The following TULP4 variants were observed in gnomAD, a reference collection of about 807,000 sequenced individuals.
TULP4 encodes the protein tubby-related protein 4.
TULP4 carries 16 observed loss-of-function variants against 129.0 expected under a neutral mutation model. The observed-to-expected ratio is 0.12, with a 90% CI of 0.08 to 0.19. TULP4 has a LOEUF of 0.19. Among genes scored for constraint, TULP4 ranks in the 10% least tolerant of loss-of-function variants. The pLI is 1.00. For missense variants in TULP4, 1,842 were observed against 2,059.1 expected (o/e 0.89, Z 2.04); for synonymous variants, 998 against 854.0 (o/e 1.17, Z -2.94).
At chr6:158,403,951 C>T (rs1177229220) in intron 1 of TULP4, among the ~76,000 whole-genome samples, 1 of 152,186 alleles carries the variant, frequency 6.6e-6, no homozygotes, top group Non-Finnish European at 1.5e-5. Flanking sequence ...TTGGACAAAA[C>T]ACCTAACCTC....
At chr6:158,441,770 T>C (rs1778903900) in intron 3 of TULP4, among the ~76,000 whole-genome samples, 1 of 152,050 alleles carries the variant, frequency 6.6e-6, no homozygotes, top group Admixed American at 6.6e-5. Context: ...CCATCTTCCC[T>C]TCCCACACAC....
intron 1 of TULP4, among the ~76,000 whole-genome samples, chr6:158,403,131 A>G (rs1320239585): frequency 1.3e-5 from 2 of 152,158 alleles, no homozygotes; most frequent in African/African-American, 2.4e-5. Context: ...AAATCTTCCC[A>G]GTGGTTTGCT....
intron 3 of TULP4, among the ~76,000 whole-genome samples, chr6:158,435,926 CTT>C (rs11303299): frequency 2.3e-4 from 34 of 146,952 alleles, no homozygotes; most frequent in Non-Finnish European, 1.7e-4. Context: ...AACTGGGACT[CTT>C]TTTTTTTTTT....
chr6:158,379,277 C>G (rs1486962802), intron 1 of TULP4, among the ~76,000 whole-genome samples: 2 of 152,128 alleles, frequency 1.3e-5, no homozygotes, highest in African/African-American at 4.8e-5. Context: ...GAACCTGTGG[C>G]CAGAGTTGCC....
intron 1 of TULP4, among the ~76,000 whole-genome samples, chr6:158,290,584 A>C (rs1167717074): frequency 6.6e-6 from 1 of 150,892 alleles, no homozygotes; most frequent in Non-Finnish European, 1.5e-5. Context: ...CCCTGCTCCC[A>C]CCTCCCTTCT....
chr6:158,444,067 A>T (rs1778969468), intron 3 of TULP4, among the ~76,000 whole-genome samples: 1 of 151,714 alleles, frequency 6.6e-6, no homozygotes, highest in Non-Finnish European at 1.5e-5. Flanking sequence ...AAAAATACAA[A>T]AAATTAGCCT....
chr6:158,486,666 T>G (rs1780078343), intron 8 of TULP4, among the ~76,000 whole-genome samples: 1 of 152,218 alleles, frequency 6.6e-6, no homozygotes, highest in Non-Finnish European at 1.5e-5. Context: ...GCCCTAGTCT[T>G]GGACTTTCAG....
At chr6:158,338,013 T>A (rs1303738444) in intron 1 of TULP4, among the ~76,000 whole-genome samples, 2 of 152,234 alleles carry the variant, frequency 1.3e-5, no homozygotes, top group Non-Finnish European at 2.9e-5. Context: ...TGAATTCTCA[T>A]GACTCTGGCC....
chr6:158,422,529 A>T (rs1006777128), intron 2 of TULP4, among the ~76,000 whole-genome samples: 1 of 152,212 alleles, frequency 6.6e-6, no homozygotes, highest in African/African-American at 2.4e-5. Context: ...TTCTCAGGCC[A>T]GTTTAGACAA....
intron 1 of TULP4, among the ~76,000 whole-genome samples, chr6:158,368,276 G>A (rs911746006): frequency 6.6e-6 from 1 of 151,790 alleles, no homozygotes; most frequent in East Asian, 1.9e-4. Context: ...GATTTGTATC[G>A]GAATTGAGTT....
intron 6 of TULP4, among the ~76,000 whole-genome samples, chr6:158,472,785 G>T (rs1198319853): frequency 6.6e-6 from 1 of 152,196 alleles, no homozygotes; most frequent in Non-Finnish European, 1.5e-5. Flanking sequence ...TGATTCTCCT[G>T]ATTTACTTGT....
chr6:158,274,443 ATGT>A (rs1778603780), intron 1 of TULP4, among the ~76,000 whole-genome samples: 2 of 151,872 alleles, frequency 1.3e-5, no homozygotes, highest in Non-Finnish European at 2.9e-5. Flanking sequence ...CCACACAACA[ATGT>A]TGTTCCTGAA....
Position 158,255,553 on chromosome 6 carries a change from A to G in TULP4, n.68+23250A>G, listed in dbSNP as rs80053989. On this transcript the variant is annotated intron_variant and non_coding_transcript_variant, in intron 1 of 1. Coordinates refer to the TULP4 transcript ENST00000620026. Reference sequence around the variant, plus strand: ...CAGCCTTACAGCAACAACTCTAAGAATGGTGGCCTTTTCTTCCTCTGAAAG... The same window carrying G: ...CAGCCTTACAGCAACAACTCTAAGAGTGGTGGCCTTTTCTTCCTCTGAAAG... 5.9e-3 allele frequency among the ~76,000 whole-genome samples: 903 copies of G among 152,230 alleles called. 9 individuals are homozygous for G. The highest frequency in any genetic ancestry group is 0.016 in the African/African-American group (645 of 41,538).
chr6:158,417,879 A>G (rs1003068190), intron 2 of TULP4, among the ~76,000 whole-genome samples: 7 of 152,164 alleles, frequency 4.6e-5, no homozygotes, highest in African/African-American at 1.7e-4. Context: ...GGAACAGTAC[A>G]TGCATTATTT....
chr6:158,327,798 G>A (rs1222527973), intron 1 of TULP4, among the ~76,000 whole-genome samples: 1 of 151,902 alleles, frequency 6.6e-6, no homozygotes, highest in Admixed American at 6.6e-5. Flanking sequence ...TATAATTGAG[G>A]TCTTCTTTAA....
chr6:158,270,135 A>G (rs1319170015), intron 1 of TULP4, among the ~76,000 whole-genome samples: 1 of 152,218 alleles, frequency 6.6e-6, no homozygotes, highest in African/African-American at 2.4e-5. Context: ...TAGATCTTCT[A>G]TATATCTTTA....
At chr6:158,263,228 A>G (rs557422966) in intron 1 of TULP4, among the ~76,000 whole-genome samples, 1 of 152,382 alleles carries the variant, frequency 6.6e-6, no homozygotes, top group South Asian at 2.1e-4. Flanking sequence ...AACCCCTGAA[A>G]GGCCACGACA....
chr6:158,413,167 G>GAGCT lies in TULP4; in HGVS notation c.356_359dup (p.Val121AlafsTer11). On this transcript the variant is annotated frameshift_variant, in exon 2 of 14. Transcript: ENST00000367097. LOFTEE classifies it high-confidence loss of function. The surrounding 1 kb of genome is among the most constrained non-coding windows in gnomAD (Gnocchi z 4.9). ...TCAGTACGAGGGCAGGTGGTCTGTGGAGCTGGTCAACGACCGCGGGGCGCA... is the reference window on the plus strand; with the variant it reads ...TCAGTACGAGGGCAGGTGGTCTGTGGAGCTAGCTGGTCAACGACCGCGGGGCGCA... The GAGCT allele has an allele frequency of 6.2e-7, 1 of 1,613,446 alleles. No individual in the cohort carries two copies. Among genetic ancestry groups the GAGCT allele is most frequent in the Non-Finnish European group, 8.5e-7 (1 of 1,179,458 alleles).
intron 1 of TULP4, among the ~76,000 whole-genome samples, chr6:158,253,879 A>T (rs1484295452): frequency 6.6e-6 from 1 of 152,064 alleles, no homozygotes; most frequent in African/African-American, 2.4e-5. Flanking sequence ...TACTAAAAAT[A>T]GAAAAATTAT....
Sources: allele counts gnomAD v4.1 joint callset (sites outside exome capture counted in the v4.1 genomes callset), GRCh38; gene constraint gnomAD v4.1.1; non-coding constraint Gnocchi (gnomAD v3.1); transcripts MANE v1.5; gene names NCBI Gene and HGNC (gene_info 2026-07-23, HGNC 2026-07-21).